Variants in DGKI observed in about 807,000 individuals in gnomAD.
DGKI encodes the protein diacylglycerol kinase iota.
DGKI carries 55 observed loss-of-function variants against 147.5 expected under a neutral mutation model. The ratio of observed to expected loss-of-function variants is 0.37; its 90% CI spans 0.30 to 0.47. The LOEUF (loss-of-function observed/expected upper bound fraction) is 0.47, where lower values mean the gene tolerates loss of function less well. DGKI is among the 20% of genes least tolerant of loss of function. DGKI has a pLI of 1.00. For missense variants in DGKI, 1,007 were observed against 1,323.8 expected, an observed-to-expected ratio of 0.76 and a Z score of 3.71; for synonymous variants, 469 against 477.1, an observed-to-expected ratio of 0.98 and a Z score of 0.22.
At chr7:137,410,202 G>A (rs1285099145) in intron 29 of DGKI, among the ~76,000 whole-genome samples, 3 of 152,204 alleles carry the variant, frequency 2.0e-5, no homozygotes, top group Non-Finnish European at 4.4e-5. Flanking sequence ...TCAGGAGATC[G>A]AGATCATCCT....
intron 29 of DGKI, 127 bp from the exon 30 acceptor site, chr7:137,408,122 A>G: frequency 8.7e-7 from 1 of 1,145,400 alleles, no homozygotes; most frequent in Admixed American, 2.5e-5. Context: ...CATAGAGAAA[A>G]GTCAAAAAGG....
intron 21 of DGKI, among the ~76,000 whole-genome samples, chr7:137,499,426 T>C (rs764888311): frequency 1.3e-5 from 2 of 152,116 alleles, no homozygotes; most frequent in Admixed American, 6.6e-5. Flanking sequence ...TGAGAGTGTT[T>C]CCAGAAGAGA....
At chr7:137,661,238 G>A (rs1822416333) in intron 3 of DGKI, among the ~76,000 whole-genome samples, 1 of 152,148 alleles carries the variant, frequency 6.6e-6, no homozygotes, top group African/African-American at 2.4e-5. Context: ...GAGCCAGCAT[G>A]GCAACCGGTT....
At chr7:137,543,577 G>A (rs1817769677) in intron 20 of DGKI, among the ~76,000 whole-genome samples, 1 of 152,076 alleles carries the variant, frequency 6.6e-6, no homozygotes. Context: ...CTTCTTGAAG[G>A]AAGCAACAAT....
chr7:137,784,806 T>G (rs1158830344), intron 1 of DGKI, among the ~76,000 whole-genome samples: 2 of 151,878 alleles, frequency 1.3e-5, no homozygotes, highest in Admixed American at 6.6e-5. Flanking sequence ...AAACTGTAAA[T>G]CAACTCCAAA....
At chr7:137,827,298 T>C (rs1749249227) in intron 1 of DGKI, among the ~76,000 whole-genome samples, 3 of 152,166 alleles carry the variant, frequency 2.0e-5, no homozygotes, top group South Asian at 2.1e-4. Flanking sequence ...CTATTAACTA[T>C]AAAATCCAAA....
intron 12 of DGKI, among the ~76,000 whole-genome samples, chr7:137,589,403 T>C (rs1418318038): frequency 6.6e-6 from 1 of 152,212 alleles, no homozygotes; most frequent in Non-Finnish European, 1.5e-5. Flanking sequence ...GACCTATAAA[T>C]GTCAAAAAGT....
At chr7:137,831,118 G>A (rs145910743) in intron 1 of DGKI, among the ~76,000 whole-genome samples, 208 of 152,308 alleles carry the variant, frequency 1.4e-3, no homozygotes, top group African/African-American at 3.8e-3. Flanking sequence ...GACCAACGGC[G>A]TAACTATGCC....
At chr7:137,545,509 G>A (rs541317467) in intron 20 of DGKI, among the ~76,000 whole-genome samples, 56 of 152,086 alleles carry the variant, frequency 3.7e-4, no homozygotes, top group African/African-American at 1.3e-3. Flanking sequence ...AAAACTCCAC[G>A]CATAATCTTA....
chr7:137,830,615 C>G (rs1213129004), intron 1 of DGKI, among the ~76,000 whole-genome samples: 1 of 152,180 alleles, frequency 6.6e-6, no homozygotes, highest in African/African-American at 2.4e-5. Context: ...TGATTGAAAA[C>G]CACTTTTGGA....
At chr7:137,552,345 A>G (rs1247191821) in intron 20 of DGKI, 24 bp downstream of exon 20, 2 of 1,611,576 alleles carry the variant, frequency 1.2e-6, no homozygotes, top group Non-Finnish European at 1.7e-6. Flanking sequence ...CATGTTAAGC[A>G]AGGTAGGCCA....
intron 1 of DGKI, among the ~76,000 whole-genome samples, chr7:137,704,528 G>A (rs189502664): frequency 9.9e-5 from 15 of 152,214 alleles, no homozygotes; most frequent in South Asian, 2.1e-4. Context: ...GTGGCAGACC[G>A]TCAAGCATAC....
chr7:137,608,871 G>A (rs966517208), intron 10 of DGKI, 95 bp downstream of exon 10: 22 of 944,918 alleles, frequency 2.3e-5, no homozygotes, highest in Non-Finnish European at 3.6e-5. Context: ...TCCAAAGCTT[G>A]GGATCCTAGT....
At chr7:137,726,962 ATAGTTCT>A (rs772336414) in intron 1 of DGKI, among the ~76,000 whole-genome samples, 9 of 152,174 alleles carry the variant, frequency 5.9e-5, no homozygotes, top group Non-Finnish European at 1.2e-4. Flanking sequence ...CTCAGATAAA[ATAGTTCT>A]TATATGGATC....
chr7:137,794,223 T>C (rs1411854847), intron 1 of DGKI, among the ~76,000 whole-genome samples: 1 of 152,190 alleles, frequency 6.6e-6, no homozygotes, highest in African/African-American at 2.4e-5. Flanking sequence ...TTTCTCCCCA[T>C]CCTTTCCTCA....
chr7:137,818,647 T>C (rs2882782), intron 1 of DGKI, among the ~76,000 whole-genome samples: 1 of 152,116 alleles, frequency 6.6e-6, no homozygotes. Context: ...TTCACCATGT[T>C]GGTCAGCTGG....
intron 1 of DGKI, among the ~76,000 whole-genome samples, chr7:137,818,486 G>A (rs1322552864): frequency 6.6e-6 from 1 of 152,050 alleles, no homozygotes; most frequent in African/African-American, 2.4e-5. Flanking sequence ...GGAGTGCATG[G>A]CGCAATCTCA....
At chr7:137,717,944 C>T (rs1055458210) in intron 1 of DGKI, among the ~76,000 whole-genome samples, 1 of 152,150 alleles carries the variant, frequency 6.6e-6, no homozygotes, top group Non-Finnish European at 1.5e-5. Flanking sequence ...ACCCACCCAG[C>T]GGAAGGAGCT....
At chr7:137,420,611 G>A (rs781331204) in intron 28 of DGKI, among the ~76,000 whole-genome samples, 1 of 151,708 alleles carries the variant, frequency 6.6e-6, no homozygotes, top group Non-Finnish European at 1.5e-5. Flanking sequence ...TGGAGGAACA[G>A]ATTTTTGGAG....
Sources: allele counts gnomAD v4.1 joint callset (sites outside exome capture counted in the v4.1 genomes callset), GRCh38; gene constraint gnomAD v4.1.1; transcripts MANE v1.5; gene names NCBI Gene and HGNC (gene_info 2026-07-23, HGNC 2026-07-21).